TTC28: variants seen among roughly 807,000 people sequenced by gnomAD.
TTC28 encodes tetratricopeptide repeat domain 28.
In TTC28, 61 loss-of-function variants were observed where a neutral mutation model predicts 198.0. That is an observed-to-expected ratio of 0.31 (90% confidence interval 0.25 to 0.38). The LOEUF (loss-of-function observed/expected upper bound fraction) is 0.38, where lower values mean the gene tolerates loss of function less well. Ranked by LOEUF, TTC28 falls within the 10% of genes least tolerant of loss-of-function variation. The pLI, the probability that TTC28 is intolerant of heterozygous loss-of-function variation, is 1.00. For missense variants in TTC28, 2,678 were observed against 3,164.0 expected (o/e 0.85, Z 3.69); for synonymous variants, 1,171 against 1,297.8 (o/e 0.90, Z 2.10).
intron 2 of TTC28, among the ~76,000 whole-genome samples, chr22:28,433,316 T>G (rs73882748): frequency 0.013 from 2,002 of 152,224 alleles, 42 homozygotes; most frequent in African/African-American, 0.046. Flanking sequence ...AACCAAACCC[T>G]AGATTGCAAA....
At chr22:28,242,352 G>A (rs1929717899) in intron 5 of TTC28, among the ~76,000 whole-genome samples, 1 of 151,896 alleles carries the variant, frequency 6.6e-6, no homozygotes, top group African/African-American at 2.4e-5. Context: ...ACAAGTGTAG[G>A]AAAAAAGCTC....
intron 6 of TTC28, among the ~76,000 whole-genome samples, chr22:28,132,214 T>C (rs539261590): frequency 6.6e-5 from 10 of 152,338 alleles, no homozygotes; most frequent in Admixed American, 6.5e-4. Context: ...TACTTGAAGG[T>C]GTCCTGTTGG....
chr22:28,468,523 C>CT lies in TTC28; in HGVS notation c.381+161028dup, dbSNP rs926913086. ...TTAAAAGAGTTCATCTCTCATAATG[C>CT]TTTTTTTTTTTGAGACAGAGTCTCA... On this transcript the variant is annotated intron_variant, in intron 2 of 22. Transcript: ENST00000397906. 2.0e-3 allele frequency among the ~76,000 whole-genome samples: 296 copies of CT among 144,484 alleles called. 1 individual carries two copies. The highest frequency in any genetic ancestry group is 5.9e-3 in the African/African-American group (232 of 39,604). 94.8% of individuals were successfully genotyped at this position (144,484 alleles called of 152,430 possible).
At chr22:28,205,791 A>G (rs1327218808) in intron 5 of TTC28, among the ~76,000 whole-genome samples, 3 of 152,044 alleles carry the variant, frequency 2.0e-5, no homozygotes, top group African/African-American at 4.8e-5. Context: ...TCCTTTTATG[A>G]GCCACATTTA....
intron 2 of TTC28, among the ~76,000 whole-genome samples, chr22:28,463,263 C>T (rs1453165967): frequency 6.6e-6 from 1 of 152,196 alleles, no homozygotes; most frequent in Non-Finnish European, 1.5e-5. Context: ...CTTGGCAATG[C>T]AGGCTCTTTT....
intron 2 of TTC28, among the ~76,000 whole-genome samples, chr22:28,538,410 T>C (rs781573328): frequency 4.0e-5 from 6 of 151,812 alleles, no homozygotes; most frequent in South Asian, 2.1e-4. Context: ...TTTATATGGA[T>C]AGACTATCTG....
At chr22:27,988,555 T>A (rs1303854695) in intron 21 of TTC28, among the ~76,000 whole-genome samples, 1 of 152,090 alleles carries the variant, frequency 6.6e-6, no homozygotes, top group Non-Finnish European at 1.5e-5. Context: ...CCCAAAGTGC[T>A]GGGATTACAG....
Position 28,030,223 on chromosome 22 carries a change from C to T in TTC28, c.4073+3G>A, listed in dbSNP as rs1939018205. The T allele has an allele frequency of 1.3e-6, 2 of 1,551,618 alleles. No individual in the cohort carries two copies. The highest frequency in any genetic ancestry group is 2.4e-5 in the East Asian group (1 of 40,920). On this transcript the variant is annotated splice_donor_region_variant and intron_variant, in intron 13 of 22. Coordinates refer to ENST00000397906, the MANE Select transcript of TTC28 (RefSeq NM_001145418.2). ...GGGCCTGGGGAAAGCGCCCCACACT[C>T]ACCTGTTAAACAGGTTATTGCGGCG...
chr22:28,266,773 G>C (rs931363592), intron 5 of TTC28, among the ~76,000 whole-genome samples: 4 of 152,092 alleles, frequency 2.6e-5, no homozygotes, highest in South Asian at 2.1e-4. Context: ...AATGTGTATG[G>C]CTTTATGCTA....
At chr22:28,307,419 G>A (rs891358473) in intron 2 of TTC28, among the ~76,000 whole-genome samples, 3 of 151,806 alleles carry the variant, frequency 2.0e-5, no homozygotes, top group Admixed American at 6.6e-5. Context: ...TCTCTTTCTC[G>A]TTCTTTTAAT....
At chr22:28,155,015 G>A (rs984661647) in intron 6 of TTC28, among the ~76,000 whole-genome samples, 5 of 152,116 alleles carry the variant, frequency 3.3e-5, no homozygotes, top group South Asian at 4.1e-4. Context: ...TCTACATCGT[G>A]GAAGTTCTCT....
chr22:28,481,687 G>C (rs888335900), intron 2 of TTC28, among the ~76,000 whole-genome samples: 1 of 152,138 alleles, frequency 6.6e-6, no homozygotes, highest in Non-Finnish European at 1.5e-5. Flanking sequence ...TGAGGTAAAT[G>C]AATAAATTCA....
intron 6 of TTC28, among the ~76,000 whole-genome samples, chr22:28,161,665 A>AAAGAAAAGG (rs77596441): frequency 3.3e-5 from 5 of 151,512 alleles, no homozygotes; most frequent in Admixed American, 6.6e-5. Context: ...AGAAAGAAAG[A>AAAGAAAAGG]AAGAAAAGGA....
chr22:27,982,596 G>C lies in TTC28; in HGVS notation c.7071C>G (p.Val2357=), dbSNP rs1937060352. The C allele has an allele frequency of 2.6e-6, 4 of 1,551,766 alleles. No individual in the cohort carries two copies. The highest frequency in any genetic ancestry group is 3.5e-6 in the Non-Finnish European group (4 of 1,147,012). ...MAAIDEKVQA[V]HNLKMFWQST... ...TCTGCCAGAACATCTTCAGGTTATGGACAGCCTGCACCTTTTCATCAATGG... is the reference window on the plus strand; with the variant it reads ...TCTGCCAGAACATCTTCAGGTTATGCACAGCCTGCACCTTTTCATCAATGG... Residue 2357 remains valine, a synonymous_variant, in exon 23 of 23, where the codon GTC becomes GTG. Transcript: ENST00000397906. The surrounding 1 kb of genome is among the most constrained non-coding windows in gnomAD (Gnocchi z 5.2).
intron 16 of TTC28, among the ~76,000 whole-genome samples, chr22:27,997,175 GGA>G (rs1189412697): frequency 6.6e-6 from 1 of 152,230 alleles, no homozygotes; most frequent in Non-Finnish European, 1.5e-5. Context: ...AAGCGCAGGA[GGA>G]GAGGCAGGTG....
intron 2 of TTC28, among the ~76,000 whole-genome samples, chr22:28,500,479 T>C (rs1159045082): frequency 1.3e-5 from 2 of 152,168 alleles, no homozygotes; most frequent in East Asian, 3.8e-4. Flanking sequence ...CATGTAATAA[T>C]CTTTCAAAAA....
chr22:28,225,757 C>T (rs1486704905), intron 5 of TTC28, among the ~76,000 whole-genome samples: 1 of 152,214 alleles, frequency 6.6e-6, no homozygotes, highest in Non-Finnish European at 1.5e-5. Flanking sequence ...AAATTTTTCT[C>T]ATGCCCCTTT....
intron 1 of TTC28, among the ~76,000 whole-genome samples, chr22:28,650,912 C>A (rs944286254): frequency 2.0e-5 from 3 of 152,192 alleles, no homozygotes. Context: ...AGATCTAGAA[C>A]AGGAGTCAGC....
chr22:28,530,524 G>A (rs879084481), intron 2 of TTC28, among the ~76,000 whole-genome samples: 2 of 152,086 alleles, frequency 1.3e-5, no homozygotes, highest in African/African-American at 4.8e-5. Flanking sequence ...ACCTAGCAAG[G>A]CAGGCCAACA....
Sources: gnomAD v4.1 joint callset for allele counts (sites outside exome capture counted in the v4.1 genomes callset) on GRCh38, gnomAD v4.1.1 for gene constraint, Gnocchi (gnomAD v3.1) non-coding constraint, MANE v1.5 for transcripts, NCBI Gene and HGNC (gene_info 2026-07-23, HGNC 2026-07-21) for gene names.